SYNJ1: variants seen among roughly 807,000 people sequenced by gnomAD.
SYNJ1 encodes the protein synaptojanin 1, also known as polyphosphatidylinositol phosphatase SYNJ1.
Under a neutral mutation model 168.2 loss-of-function variants are expected in SYNJ1, and 78 were observed. The ratio of observed to expected loss-of-function variants is 0.46; its 90% CI spans 0.39 to 0.56. SYNJ1 has a LOEUF of 0.56. SYNJ1 is among the 20% of genes least tolerant of loss of function. The pLI is 0.00. For synonymous variants in SYNJ1, 539 were observed against 548.6 expected (o/e 0.98, Z 0.24); for missense variants, 1,303 against 1,597.6 (o/e 0.82, Z 3.14).
At chr21:32,664,684 C>T (rs547330000) in intron 18 of SYNJ1, among the ~76,000 whole-genome samples, 2 of 152,288 alleles carry the variant, frequency 1.3e-5, no homozygotes, top group East Asian at 3.9e-4. Flanking sequence ...TCCGCTGCTG[C>T]TCCCAGCTGA....
chr21:32,673,301 C>A, intron 14 of SYNJ1, 39 bp downstream of exon 14: 1 of 1,557,718 alleles, frequency 6.4e-7, no homozygotes, highest in South Asian at 1.2e-5. Context: ...ACAACACAGT[C>A]AGGATTTATT....
chr21:32,680,584 A>G (rs1450858421), intron 11 of SYNJ1, among the ~76,000 whole-genome samples: 3 of 152,148 alleles, frequency 2.0e-5, no homozygotes, highest in African/African-American at 7.2e-5. Flanking sequence ...ATAAAAAGTA[A>G]TGATGAAACA....
chr21:32,703,507 T>C (rs1374195780), intron 2 of SYNJ1, among the ~76,000 whole-genome samples: 1 of 152,200 alleles, frequency 6.6e-6, no homozygotes, highest in Admixed American at 6.5e-5. Context: ...ATATGTACTG[T>C]AAACATTAGA....
chr21:32,709,077 C>A lies in SYNJ1; in HGVS notation c.125-7030G>T, dbSNP rs542713716. 1.6e-4 allele frequency among the ~76,000 whole-genome samples: 24 copies of A among 152,260 alleles called. No individual in the cohort carries two copies. In the East Asian group the frequency reaches 4.6e-3, roughly 29 times the overall value. On this transcript the variant is annotated intron_variant, in intron 2 of 32. Coordinates refer to ENST00000674351, the MANE Select transcript of SYNJ1 (RefSeq NM_203446.3). The stretch of plus-strand genomic sequence containing the variant: ...TCATTTTTCAATGGCTTGTTAATCA[C>A]AGAACAATTAAAAAGCTAAATAAAA...
chr21:32,672,059 C>CAAAAAAAAAAAAA (rs1160074724), intron 14 of SYNJ1, among the ~76,000 whole-genome samples: 37 of 24,584 alleles, frequency 1.5e-3, no homozygotes, highest in Admixed American at 2.3e-3. Context: ...AACTCAATCT[C>CAAAAAAAAAAAAA]AAAAAAAAAA....
intron 6 of SYNJ1, among the ~76,000 whole-genome samples, chr21:32,693,552 C>T (rs1299336352): frequency 6.6e-6 from 1 of 151,988 alleles, no homozygotes; most frequent in Non-Finnish European, 1.5e-5. Flanking sequence ...ATACTATAGG[C>T]TGAAGCACCA....
rs192090290 is a variant in SYNJ1 at position 32,660,270 on chromosome 21, C to A, written c.2305-2398G>T. On this transcript the variant is annotated intron_variant, in intron 18 of 32. Transcript: ENST00000674351. Reference sequence around the variant, plus strand: ...TAGCACAAGAAGCAGATAAACTAACCCTTGGGCAAAACCTGAATATAAAGG... The same window carrying A: ...TAGCACAAGAAGCAGATAAACTAACACTTGGGCAAAACCTGAATATAAAGG... Among the ~76,000 whole-genome samples the A allele has an allele frequency of 4.6e-5, 7 of 152,322 alleles. No homozygotes were observed. In the East Asian group the frequency reaches 1.4e-3, roughly 29 times the overall value.
At chr21:32,676,035 T>C (rs370356368) in intron 13 of SYNJ1, among the ~76,000 whole-genome samples, 18 of 152,306 alleles carry the variant, frequency 1.2e-4, no homozygotes, top group African/African-American at 4.3e-4. Context: ...CTAATAATAT[T>C]TGTTCAATGA....
At chr21:32,648,590 C>T (rs2040157925) in intron 23 of SYNJ1, among the ~76,000 whole-genome samples, 1 of 152,210 alleles carries the variant, frequency 6.6e-6, no homozygotes, top group African/African-American at 2.4e-5. Context: ...TGTTTCTTCT[C>T]ATTTTCTTTT....
intron 4 of SYNJ1, among the ~76,000 whole-genome samples, chr21:32,696,836 G>A (rs844983): frequency 0.083 from 12,655 of 152,104 alleles, 690 homozygotes; most frequent in South Asian, 0.16. Context: ...GAAATCACAC[G>A]GGAATATAAA....
At position 32,642,115 on chromosome 21, in the gene SYNJ1, G is replaced by T; in HGVS notation, c.3497C>A (p.Thr1166Lys). The change falls in exon 28 of 33, where the codon ACA becomes AAA. Residue 1166 changes from threonine (T) to lysine (K), a missense_variant. By Grantham distance (78) the Thr-to-Lys change is moderately conservative (BLOSUM62 -1). Transcript: ENST00000674351. ...REMEAPKSPG[T>K]TRKDNIGRSQ... Reference sequence around the variant, plus strand: ...TTTACCTATATTATCTTTCCTTGTTGTTCCAGGGCTTTTGGGTGCTTTGAA... The same window carrying T: ...TTTACCTATATTATCTTTCCTTGTTTTTCCAGGGCTTTTGGGTGCTTTGAA... 6.2e-7 allele frequency: 1 copy of T among 1,613,968 alleles called. No individual in the cohort carries two copies.
At chr21:32,653,857 T>G (rs1444759598) in intron 21 of SYNJ1, 1 of 152,218 alleles carries the variant, frequency 6.6e-6, no homozygotes, top group African/African-American at 2.4e-5. Flanking sequence ...AAAACCAGAC[T>G]GGCCCCAAGA....
intron 6 of SYNJ1, among the ~76,000 whole-genome samples, chr21:32,692,934 G>C (rs1720125): frequency 6.6e-6 from 1 of 152,128 alleles, no homozygotes; most frequent in Non-Finnish European, 1.5e-5. Context: ...GGCAGGCTGA[G>C]GTGGGAGGAT....
At chr21:32,646,650 C>CA (rs2040085808) in intron 23 of SYNJ1, 48 bp from the exon 24 acceptor site, 1 of 1,486,178 alleles carries the variant, frequency 6.7e-7, no homozygotes, top group Non-Finnish European at 9.4e-7. Context: ...TTAACTTGCT[C>CA]AGAGATTTTT....
Position 32,666,604 on chromosome 21 carries a change from TA to T in SYNJ1, c.1812-32del, listed in dbSNP as rs1569065864. The T allele has an allele frequency of 5.0e-6, 8 of 1,597,718 alleles. No individual in the cohort carries two copies. The Admixed American group carries it at 1.2e-4, about 25-fold the overall frequency. On this transcript the variant is annotated intron_variant, in intron 15 of 32. Transcript: ENST00000674351. Reference sequence around the variant, plus strand: ...AGAAAATATTAAAAAGAGAATTTTTTAAAAAGGTATTGACAATAGCCTATTT... The same window carrying T: ...AGAAAATATTAAAAAGAGAATTTTTTAAAAGGTATTGACAATAGCCTATTT...
At chr21:32,658,293 A>C (rs1226240459) in intron 18 of SYNJ1, among the ~76,000 whole-genome samples, 1 of 152,176 alleles carries the variant, frequency 6.6e-6, no homozygotes, top group Non-Finnish European at 1.5e-5. Context: ...AGGCAGCTGG[A>C]TGTCAGAGAG....
In SYNJ1 at chr21:32,631,599, A is replaced by G. The variant is rs752639745; in HGVS notation, c.*206T>C. The G allele has an allele frequency of 7.5e-6, 12 of 1,601,140 alleles. No individual in the cohort carries two copies. The highest frequency in any genetic ancestry group is 1.1e-5 in the South Asian group (1 of 90,398). On this transcript the variant is annotated 3_prime_UTR_variant, in exon 33 of 33. Transcript: ENST00000674351. Reference sequence around the variant, plus strand: ...AGCTGGAATTGGAGGCATTGTTGGCATGCAACTTACAGAACTCAAAACATT... The same window carrying G: ...AGCTGGAATTGGAGGCATTGTTGGCGTGCAACTTACAGAACTCAAAACATT...
intron 32 of SYNJ1, among the ~76,000 whole-genome samples, chr21:32,633,643 G>GA (rs2039440831): frequency 6.6e-6 from 1 of 151,984 alleles, no homozygotes; most frequent in Admixed American, 6.6e-5. Context: ...AAATATATTG[G>GA]AAAAAAACAG....
chr21:32,649,728 C>A (rs2040203974), intron 23 of SYNJ1, among the ~76,000 whole-genome samples: 1 of 152,132 alleles, frequency 6.6e-6, no homozygotes, highest in Non-Finnish European at 1.5e-5. Flanking sequence ...AAAATAAACA[C>A]AATATGATGT....
Sources: gnomAD v4.1 joint callset for allele counts (sites outside exome capture counted in the v4.1 genomes callset) on GRCh38, gnomAD v4.1.1 for gene constraint, MANE v1.5 for transcripts, NCBI Gene and HGNC (gene_info 2026-07-23, HGNC 2026-07-21) for gene names.